The following MOK variants were observed in gnomAD, a reference collection of about 807,000 sequenced individuals.
MOK encodes MOK protein kinase.
A neutral mutation model predicts 54.2 loss-of-function variants in MOK; 59 were observed. That is an observed-to-expected ratio of 1.09 (90% CI 0.88 to 1.35). The LOEUF (loss-of-function observed/expected upper bound fraction) is 1.35. Ranked by LOEUF, MOK falls within the 40% of genes most tolerant of loss-of-function variation. The pLI, the probability that MOK is intolerant of heterozygous loss-of-function variation, is 0.00. For missense variants in MOK, 517 were observed against 526.2 expected, an observed-to-expected ratio of 0.98 and a Z score of 0.17; for synonymous variants, 210 against 202.7, an observed-to-expected ratio of 1.04 and a Z score of -0.31.
chr14:102,232,539 G>A lies in MOK; in HGVS notation c.862C>T (p.Gln288Ter). The change falls in exon 9 of 12, where the codon CAG becomes TAG. Residue 288 changes from glutamine (Q) to a stop codon, truncating the protein, a stop_gained. Coordinates refer to ENST00000361847, the MANE Select transcript of MOK (RefSeq NM_014226.3). LOFTEE classifies it high-confidence loss of function. The surrounding 1 kb of genome is among the most constrained non-coding windows in gnomAD (Gnocchi z 5.1). ...QALQHPYFQE[Q>*]RKTEKRALGS... is the part of the protein sequence containing the mutation. The stretch of plus-strand genomic sequence containing the variant: ...CGAACCCACGAGAGTGCCTACCTCT[G>A]TTCTTGGAAGTAGGGGTGCTGCAGG... The A allele has an allele frequency of 6.2e-7, 1 of 1,613,244 alleles. No individual in the cohort carries two copies. Among genetic ancestry groups the A allele is most frequent in the Non-Finnish European group, 8.5e-7 (1 of 1,179,448 alleles).
rs140871336 is a variant in MOK at position 102,232,909 on chromosome 14, C to T, written c.693-201G>A. On this transcript the variant is annotated intron_variant, in intron 8 of 11. Coordinates refer to ENST00000361847, the MANE Select transcript of MOK (RefSeq NM_014226.3). This position sits in a 1 kb window ranked among gnomAD's most constrained non-coding sequence, Gnocchi z 5.1. ...GCTCTGTGTAGTAATGAGATATCCA[C>T]GGTTCATCGACCATAATAAACACAC... 123 of 450,652 alleles carry T rather than the reference C, an allele frequency of 2.7e-4. No homozygotes were observed. Among genetic ancestry groups the T allele is most frequent in the Middle Eastern group, 7.8e-4 (2 of 2,554 alleles). The allele number at this position is 450,652 out of a possible 1,614,324, so 27.9% of individuals were successfully genotyped here.
chr14:102,262,432 T>C (rs887805587), intron 4 of MOK, among the ~76,000 whole-genome samples: 2 of 152,234 alleles, frequency 1.3e-5, no homozygotes, highest in Admixed American at 1.3e-4. Flanking sequence ...GCTAGGATTA[T>C]AGGCATGAGC....
At chr14:102,220,951 G>A (rs2063820364), downstream of MOK, among the ~76,000 whole-genome samples, 1 of 152,112 alleles carries the variant, frequency 6.6e-6, no homozygotes, top group African/African-American at 2.4e-5. This position sits in a 1 kb window ranked among gnomAD's most constrained non-coding sequence, Gnocchi z 4.2. Context: ...TGTATTAGTA[G>A]AGATGGAGTT....
At chr14:102,277,253 A>C (rs2068964377) in intron 2 of MOK, 1 of 151,976 alleles carries the variant, frequency 6.6e-6, no homozygotes, top group South Asian at 2.1e-4. Context: ...AACTATCAAA[A>C]AGTCCATTAA....
At chr14:102,234,538 T>C (rs2065039063) in intron 7 of MOK, among the ~76,000 whole-genome samples, 1 of 152,098 alleles carries the variant, frequency 6.6e-6, no homozygotes, top group African/African-American at 2.4e-5. Context: ...ACCTCCTCTA[T>C]TCCTGACAAG....
rs971175518 is a variant in MOK at position 102,305,108 on chromosome 14, C to T, written c.-140G>A. Reference sequence around the variant, plus strand: ...TCCGTGGTGGTCCCTCGAAGGAGAGCGTTAGAGATCCCGCCGCCATGTTGT... The same window carrying T: ...TCCGTGGTGGTCCCTCGAAGGAGAGTGTTAGAGATCCCGCCGCCATGTTGT... On this transcript the variant is annotated 5_prime_UTR_variant, in exon 1 of 12. Transcript: ENST00000361847. 8.1e-6 allele frequency: 8 copies of T among 991,610 alleles called. No individual in the cohort carries two copies. In the East Asian group the frequency reaches 1.6e-4, roughly 20 times the overall value. 61.4% of individuals were successfully genotyped at this position (991,610 alleles called of 1,614,324 possible).
intron 4 of MOK, among the ~76,000 whole-genome samples, chr14:102,262,503 G>A (rs192248743): frequency 2.4e-4 from 37 of 152,274 alleles, no homozygotes; most frequent in African/African-American, 4.1e-4. Context: ...GGCTACTTAT[G>A]CTATTTGTTT....
At chr14:102,218,558 T>C in the MOK span, among the ~76,000 whole-genome samples, 416 of 152,340 alleles carry the variant, frequency 2.7e-3, 2 homozygotes, top group African/African-American at 9.6e-3. Flanking sequence ...CAAAATATTT[T>C]TCATATATAT....
intron 4 of MOK, among the ~76,000 whole-genome samples, chr14:102,252,480 A>C (rs1470440620): frequency 6.6e-6 from 1 of 152,102 alleles, no homozygotes; most frequent in Non-Finnish European, 1.5e-5. Flanking sequence ...ATATAATGGC[A>C]TGATCTCATT....
In MOK at chr14:102,230,894, C is replaced by A. The variant is rs1300032282; in HGVS notation, c.981+813G>T. 1 of 152,316 alleles carries A rather than the reference C, an allele frequency of 6.6e-6. No homozygotes were observed. Among genetic ancestry groups the A allele is most frequent in the Non-Finnish European group, 1.5e-5 (1 of 68,122 alleles). 9.4% of individuals were successfully genotyped at this position (152,316 alleles called of 1,614,324 possible). A position where few individuals can be genotyped will look rare whatever the true frequency, so the allele number is the denominator to read the frequency against. On this transcript the variant is annotated intron_variant, in intron 10 of 11. Transcript: ENST00000361847. This position sits in a 1 kb window ranked among gnomAD's most constrained non-coding sequence, Gnocchi z 4.1. ...GGTTTCAGCAAGTCTGTCTTTCGGACATTCAAGTGGAGCTGTCAAATCAGG... is the reference window on the plus strand; with the variant it reads ...GGTTTCAGCAAGTCTGTCTTTCGGAAATTCAAGTGGAGCTGTCAAATCAGG...
At chr14:102,282,534 A>G (rs2069554712) in intron 2 of MOK, among the ~76,000 whole-genome samples, 1 of 151,988 alleles carries the variant, frequency 6.6e-6, no homozygotes. Context: ...CAGGAGTTCA[A>G]GACCAGCACG....
chr14:102,220,939 T>A (rs772140337), downstream of MOK, among the ~76,000 whole-genome samples: 2 of 151,836 alleles, frequency 1.3e-5, no homozygotes, highest in African/African-American at 4.8e-5. The surrounding 1 kb of genome is among the most constrained non-coding windows in gnomAD (Gnocchi z 4.2). Context: ...CCCGGCTAAT[T>A]TTGTATTAGT....
the MOK span, among the ~76,000 whole-genome samples, chr14:102,218,771 A>G: frequency 6.6e-6 from 1 of 152,180 alleles, no homozygotes; most frequent in African/African-American, 2.4e-5. Context: ...GTGGGGGCTG[A>G]TGGGACGCCG....
the MOK span, chr14:102,214,675 AAATC>A: frequency 4.0e-5 from 39 of 983,502 alleles, no homozygotes; most frequent in South Asian, 1.9e-4. Flanking sequence ...TTTTGAGTGA[AAATC>A]AAAAGTAAAA....
At chr14:102,229,686 A>G (rs974397163) in intron 10 of MOK, 29 bp from the exon 11 acceptor site, 10 of 1,552,496 alleles carry the variant, frequency 6.4e-6, no homozygotes, top group Middle Eastern at 1.7e-4. Context: ...CCAGTTGGAC[A>G]TAAAACGCTT....
At chr14:102,290,843 C>A (rs1442918682) in intron 1 of MOK, among the ~76,000 whole-genome samples, 1 of 152,084 alleles carries the variant, frequency 6.6e-6, no homozygotes, top group Non-Finnish European at 1.5e-5. Context: ...AATGCCTTTC[C>A]CTGCATATGA....
In MOK at chr14:102,250,953, C is replaced by T. The variant is rs546771266; in HGVS notation, c.449G>A (p.Arg150Gln). The T allele has an allele frequency of 7.2e-5, 117 of 1,614,082 alleles. No homozygotes were observed. Among genetic ancestry groups the T allele is most frequent in the Middle Eastern group, 1.7e-4 (1 of 6,060 alleles). The stretch of plus-strand genomic sequence containing the variant: ...GTACGGCTGCTTGGAATAGACACTC[C>T]GGCAGGAGCCAAAGTCCCCTAATTT... Reference protein sequence around the residue: ...VLKLGDFGSCRSVYSKQPYTE... With the variant: ...VLKLGDFGSCQSVYSKQPYTE... Residue 150 changes from arginine (R) to glutamine (Q), a missense_variant, in exon 7 of 12, where the codon CGG becomes CAG. By Grantham distance (43) the Arg-to-Gln change is conservative. Transcript: ENST00000361847.
At chr14:102,290,328 A>G (rs2070627655) in intron 1 of MOK, among the ~76,000 whole-genome samples, 5 of 151,840 alleles carry the variant, frequency 3.3e-5, no homozygotes. Flanking sequence ...AATCCCAGCT[A>G]CTCAGGAAGG....
At chr14:102,271,755 T>C (rs2068387066) in intron 2 of MOK, among the ~76,000 whole-genome samples, 1 of 152,200 alleles carries the variant, frequency 6.6e-6, no homozygotes, top group African/African-American at 2.4e-5. Context: ...AACAGAGTTT[T>C]GCCATGTTGG....
Sources: gnomAD v4.1 joint callset for allele counts (sites outside exome capture counted in the v4.1 genomes callset) on GRCh38, gnomAD v4.1.1 for gene constraint, Gnocchi (gnomAD v3.1) non-coding constraint, MANE v1.5 for transcripts, NCBI Gene and HGNC (gene_info 2026-07-23, HGNC 2026-07-21) for gene names.